The following CAPS2 variants were observed in gnomAD, a reference collection of about 807,000 sequenced individuals.
The protein encoded by CAPS2 is calcyphosin-2.
CAPS2 carries 98 observed loss-of-function variants against 86.5 expected under a neutral mutation model. That is an observed-to-expected ratio of 1.13 (90% CI 0.96 to 1.34). The LOEUF is 1.34. CAPS2 is among the 40% of genes most tolerant of loss of function. CAPS2 has a pLI of 0.00. For missense variants in CAPS2, 729 were observed against 686.8 expected, an observed-to-expected ratio of 1.06 and a Z score of -0.69; for synonymous variants, 210 against 225.1, an observed-to-expected ratio of 0.93 and a Z score of 0.60.
chr12:75,286,162 C>CA (rs1192582274), intron 14 of CAPS2, among the ~76,000 whole-genome samples: 1 of 151,872 alleles, frequency 6.6e-6, no homozygotes, highest in African/African-American at 2.4e-5. Context: ...AATAGGTACT[C>CA]AAAAAACATC....
exon 14 of CAPS2, chr12:75,289,772 A>G (rs778213391): frequency 6.2e-7 from 1 of 1,608,762 alleles, no homozygotes; most frequent in East Asian, 2.2e-5. Flanking sequence ...TTCTTTTAGC[A>G]CATCTGTTCA....
At chr12:75,341,883 G>A (rs1027054782) in intron 1 of CAPS2, among the ~76,000 whole-genome samples, 2 of 151,170 alleles carry the variant, frequency 1.3e-5, no homozygotes, top group Non-Finnish European at 2.9e-5. Flanking sequence ...TGAGTAGTTG[G>A]GATTACAAGC....
chr12:75,278,330 A>G, exon 17 of CAPS2: 1 of 984,124 alleles, frequency 1.0e-6, no homozygotes, highest in Non-Finnish European at 1.2e-6. Flanking sequence ...AATATTCTAT[A>G]TACAGAAAAC....
At position 75,338,906 on chromosome 12, in the gene CAPS2, C is replaced by A. The variant is rs926435531; in HGVS notation, c.-394-15684G>T. Among the ~76,000 whole-genome samples, 4 of 152,210 alleles carry A rather than the reference C, an allele frequency of 2.6e-5. No homozygotes were observed. The East Asian group carries it at 7.7e-4, about 29-fold the overall frequency. On this transcript the variant is annotated intron_variant, in intron 1 of 5. Coordinates refer to the CAPS2 transcript ENST00000551829. ...TGAGGATAATAGCTTCCAGCTCCATCCATGTCCCTGCAAAGGACTTGATCT... is the reference window on the plus strand; with the variant it reads ...TGAGGATAATAGCTTCCAGCTCCATACATGTCCCTGCAAAGGACTTGATCT...
At chr12:75,330,798 T>C (rs1391671748), upstream of CAPS2, among the ~76,000 whole-genome samples, 3 of 152,050 alleles carry the variant, frequency 2.0e-5, no homozygotes, top group Non-Finnish European at 4.4e-5. Context: ...CTTTTTTTTT[T>C]TTTGAGACGG....
rs184535628 is a variant in CAPS2 at position 75,286,425 on chromosome 12, C to T, written c.1396-1345G>A. ...CATGGATTACTAGAATTGAAAGATA[C>T]TTCTTAAAGCTTAAAAGAAATAATT... On this transcript the variant is annotated intron_variant, in intron 14 of 16. Transcript: ENST00000393284. 1.4e-4 allele frequency among the ~76,000 whole-genome samples: 22 copies of T among 152,012 alleles called. No homozygotes were observed. In the East Asian group the frequency reaches 4.3e-3, roughly 29 times the overall value.
intron 6 of CAPS2, among the ~76,000 whole-genome samples, chr12:75,313,360 G>A (rs1046231361): frequency 1.3e-5 from 2 of 152,112 alleles, no homozygotes; most frequent in Non-Finnish European, 2.9e-5. Context: ...AACTGAGTTT[G>A]AATTGTTTGA....
intron 1 of CAPS2, among the ~76,000 whole-genome samples, chr12:75,342,374 G>T (rs2042179655): frequency 6.6e-6 from 1 of 152,036 alleles, no homozygotes; most frequent in Non-Finnish European, 1.5e-5. Flanking sequence ...TTACCATTGG[G>T]AAAAGTAGGT....
At chr12:75,390,359 T>C (rs947194728) in intron 1 of CAPS2, 1 of 456,342 alleles carries the variant, frequency 2.2e-6, no homozygotes. Flanking sequence ...TGAATCTTGA[T>C]ATTCCGGGCT....
chr12:75,328,190 G>C (rs1337020289), upstream of CAPS2, among the ~76,000 whole-genome samples: 2 of 152,058 alleles, frequency 1.3e-5, no homozygotes, highest in Non-Finnish European at 2.9e-5. Flanking sequence ...GGGTTGGGTT[G>C]GTTGTTTAAT....
chr12:75,378,292 G>A (rs1285646191), intron 1 of CAPS2, among the ~76,000 whole-genome samples: 1 of 152,154 alleles, frequency 6.6e-6, no homozygotes, highest in Non-Finnish European at 1.5e-5. Context: ...GAGCCACTGC[G>A]CCTGGCCGAT....
At chr12:75,299,597 A>T (rs1430754301) in intron 9 of CAPS2, among the ~76,000 whole-genome samples, 1 of 152,224 alleles carries the variant, frequency 6.6e-6, no homozygotes, top group Non-Finnish European at 1.5e-5. Flanking sequence ...GTTACTTTTT[A>T]AAAAATATTT....
chr12:75,292,325 CAA>C (rs1305846692), intron 12 of CAPS2, among the ~76,000 whole-genome samples: 2 of 152,178 alleles, frequency 1.3e-5, no homozygotes, highest in East Asian at 3.9e-4. Flanking sequence ...CTCAGCCTCC[CAA>C]AGTGCTGGGA....
At chr12:75,276,218 G>A, downstream of CAPS2, 1 of 1,538,780 alleles carries the variant, frequency 6.5e-7, no homozygotes, top group Non-Finnish European at 8.8e-7. Flanking sequence ...TTTTTTTTAA[G>A]CATTTTCATG....
chr12:75,374,406 G>T (rs949891265), intron 1 of CAPS2, among the ~76,000 whole-genome samples: 2 of 152,158 alleles, frequency 1.3e-5, no homozygotes, highest in African/African-American at 4.8e-5. Context: ...GTGGCCAAAT[G>T]CAACAACTTA....
intron 2 of CAPS2, among the ~76,000 whole-genome samples, chr12:75,324,435 G>A (rs1167032174): frequency 1.3e-5 from 2 of 152,080 alleles, no homozygotes; most frequent in African/African-American, 4.8e-5. Context: ...TAATAAACAA[G>A]TAAAATTTAC....
intron 1 of CAPS2, chr12:75,370,409 G>C (rs1437235888): frequency 3.0e-6 from 1 of 333,158 alleles, no homozygotes; most frequent in African/African-American, 2.1e-5. Context: ...TGTATCAAAA[G>C]TGTTCCACTC....
intron 1 of CAPS2, among the ~76,000 whole-genome samples, chr12:75,343,009 A>T (rs1220224318): frequency 1.3e-5 from 2 of 151,758 alleles, no homozygotes; most frequent in Non-Finnish European, 2.9e-5. Flanking sequence ...AACTTCATTT[A>T]TTTTTATAGT....
At chr12:75,326,977 T>C (rs1463602086), upstream of CAPS2, among the ~76,000 whole-genome samples, 1 of 151,924 alleles carries the variant, frequency 6.6e-6, no homozygotes, top group African/African-American at 2.4e-5. Flanking sequence ...GAGGAAGAGG[T>C]CATGAGCAGC....
Sources: allele counts gnomAD v4.1 joint callset (sites outside exome capture counted in the v4.1 genomes callset), GRCh38; gene constraint gnomAD v4.1.1; transcripts MANE v1.5; gene names NCBI Gene and HGNC (gene_info 2026-07-23, HGNC 2026-07-21).